Variants in ZFHX3 observed in about 807,000 individuals in gnomAD.
The protein encoded by ZFHX3 is zinc finger homeobox protein 3.
Under a neutral mutation model 279.1 loss-of-function variants are expected in ZFHX3, and 42 were observed. The ratio of observed to expected loss-of-function variants is 0.15; its 90% confidence interval spans 0.12 to 0.19. The LOEUF (loss-of-function observed/expected upper bound fraction) is 0.19. ZFHX3 is among the 10% of genes least tolerant of loss of function. The pLI is 1.00. For synonymous variants in ZFHX3, 2,293 were observed against 1,957.8 expected (o/e 1.17, Z -4.52); for missense variants, 4,981 against 4,754.0 (o/e 1.05, Z -1.40).
At chr16:73,641,482 G>A (rs1264111138) in intron 2 of ZFHX3, among the ~76,000 whole-genome samples, 1 of 152,140 alleles carries the variant, frequency 6.6e-6, no homozygotes, top group Non-Finnish European at 1.5e-5. Context: ...TGGAGCATAT[G>A]GGTAAAATCT....
chr16:73,249,999 A>C (rs967229149), intron 5 of ZFHX3, among the ~76,000 whole-genome samples: 1 of 152,184 alleles, frequency 6.6e-6, no homozygotes, highest in Non-Finnish European at 1.5e-5. Flanking sequence ...AACTTCCTAC[A>C]CTGTTGGTGC....
intron 1 of ZFHX3, among the ~76,000 whole-genome samples, chr16:73,811,913 G>A (rs1443281093): frequency 6.6e-6 from 1 of 152,148 alleles, no homozygotes; most frequent in Non-Finnish European, 1.5e-5. Context: ...CTAGTTGAAT[G>A]TTTCTGTGTG....
At chr16:73,596,316 C>T (rs377183952) in intron 2 of ZFHX3, among the ~76,000 whole-genome samples, 1 of 152,158 alleles carries the variant, frequency 6.6e-6, no homozygotes, top group Admixed American at 6.6e-5. Context: ...AGCCAACGCA[C>T]CTGGCCTCGA....
intron 5 of ZFHX3, among the ~76,000 whole-genome samples, chr16:73,238,204 C>A (rs1321402000): frequency 6.6e-6 from 1 of 152,166 alleles, no homozygotes; most frequent in Non-Finnish European, 1.5e-5. Context: ...AAGAGGGTTT[C>A]TGTGGCCACC....
chr16:73,717,521 T>C (rs11647915), intron 1 of ZFHX3, among the ~76,000 whole-genome samples: 113,622 of 152,102 alleles, frequency 0.75, 45,255 homozygotes, highest in Middle Eastern at 0.89. Flanking sequence ...CTCTTAGAAA[T>C]CACATGGAAA....
At chr16:73,639,469 C>T (rs1294475111) in intron 2 of ZFHX3, among the ~76,000 whole-genome samples, 1 of 152,278 alleles carries the variant, frequency 6.6e-6, no homozygotes, top group East Asian at 1.9e-4. Flanking sequence ...TCTTTATTAA[C>T]ATGCTCTTGA....
chr16:73,556,853 T>C (rs1413083255), intron 2 of ZFHX3, among the ~76,000 whole-genome samples: 1 of 151,636 alleles, frequency 6.6e-6, no homozygotes, highest in East Asian at 2.0e-4. Context: ...CCCAGCACTT[T>C]GGGAGGCCGA....
intron 2 of ZFHX3, among the ~76,000 whole-genome samples, chr16:73,649,506 T>A (rs1049038339): frequency 6.6e-6 from 1 of 152,194 alleles, no homozygotes; most frequent in Non-Finnish European, 1.5e-5. Flanking sequence ...TTGGGTAAGA[T>A]TATAGGTATT....
At chr16:73,087,806 C>T (rs556020339) in intron 8 of ZFHX3, among the ~76,000 whole-genome samples, 2 of 151,786 alleles carry the variant, frequency 1.3e-5, no homozygotes, top group African/African-American at 4.8e-5. Flanking sequence ...GTTTACAAGC[C>T]AAGCCAAACT....
At chr16:73,510,704 C>T (rs571795982) in intron 2 of ZFHX3, among the ~76,000 whole-genome samples, 1 of 152,342 alleles carries the variant, frequency 6.6e-6, no homozygotes, top group East Asian at 1.9e-4. Context: ...AGCAACCATA[C>T]AGCAGCTCAG....
At chr16:73,211,189 C>T (rs2012004406) in intron 5 of ZFHX3, among the ~76,000 whole-genome samples, 1 of 152,114 alleles carries the variant, frequency 6.6e-6, no homozygotes, top group Non-Finnish European at 1.5e-5. Flanking sequence ...CCTTAAAGCC[C>T]CCCAACTTTC....
chr16:73,008,597 G>A (rs992704667), intron 1 of ZFHX3, among the ~76,000 whole-genome samples: 7 of 152,206 alleles, frequency 4.6e-5, no homozygotes, highest in Non-Finnish European at 7.3e-5. Flanking sequence ...CACAAGGAGA[G>A]AGGGAAGAGG....
chr16:73,556,768 G>C (rs1241617896), intron 2 of ZFHX3, among the ~76,000 whole-genome samples: 1 of 152,100 alleles, frequency 6.6e-6, no homozygotes, highest in African/African-American at 2.4e-5. Context: ...TCCTCCACTA[G>C]AGGATGTGGT....
At chr16:73,718,439 C>T (rs983587281) in intron 1 of ZFHX3, among the ~76,000 whole-genome samples, 1 of 151,718 alleles carries the variant, frequency 6.6e-6, no homozygotes, top group Non-Finnish European at 1.5e-5. Flanking sequence ...AAAACAACAA[C>T]AAGCACACAA....
At chr16:73,851,393 T>C (rs947516985) in intron 1 of ZFHX3, among the ~76,000 whole-genome samples, 7 of 152,218 alleles carry the variant, frequency 4.6e-5, no homozygotes, top group African/African-American at 1.4e-4. Flanking sequence ...TTGAGACGAT[T>C]GTCATACTAT....
chr16:73,324,011 C>T (rs1480634620), intron 3 of ZFHX3, among the ~76,000 whole-genome samples: 2 of 152,212 alleles, frequency 1.3e-5, no homozygotes, highest in East Asian at 1.9e-4. Context: ...GAGGCCTTTA[C>T]CTTGGGCCCG....
chr16:73,046,286 G>A (rs1442703169), intron 1 of ZFHX3, among the ~76,000 whole-genome samples: 1 of 152,188 alleles, frequency 6.6e-6, no homozygotes, highest in Non-Finnish European at 1.5e-5. Flanking sequence ...TGCCTTCATT[G>A]TTTTTCATGT....
At chr16:73,172,931 G>GT (rs376709821) in intron 5 of ZFHX3, among the ~76,000 whole-genome samples, 28,223 of 97,046 alleles carry the variant, frequency 0.29, 3,990 homozygotes, top group East Asian at 0.43. Context: ...GCTGCCTGTG[G>GT]TTTTTTTTTT....
intron 2 of ZFHX3, among the ~76,000 whole-genome samples, chr16:73,538,528 G>A (rs893740592): frequency 6.6e-6 from 1 of 151,958 alleles, no homozygotes; most frequent in Non-Finnish European, 1.5e-5. Context: ...TTCTTTCCTT[G>A]CCAAGGAAAT....
Sources: gnomAD v4.1 joint callset for allele counts (sites outside exome capture counted in the v4.1 genomes callset) on GRCh38, gnomAD v4.1.1 for gene constraint, MANE v1.5 for transcripts, NCBI Gene and HGNC (gene_info 2026-07-23, HGNC 2026-07-21) for gene names.